Variants in FRMD3 observed in about 807,000 individuals in gnomAD.
The protein encoded by FRMD3 is FERM domain-containing protein 3.
FRMD3 carries 33 observed loss-of-function variants against 70.2 expected under a neutral mutation model. The ratio of observed to expected loss-of-function variants is 0.47; its 90% CI spans 0.36 to 0.63. The LOEUF (loss-of-function observed/expected upper bound fraction) is 0.63, where lower values mean the gene tolerates loss of function less well. Ranked by LOEUF, FRMD3 falls within the 20% of genes least tolerant of loss-of-function variation. The pLI is 0.00. For synonymous variants in FRMD3, 279 were observed against 255.9 expected, an observed-to-expected ratio of 1.09 and a Z score of -0.86; for missense variants, 632 against 711.4, an observed-to-expected ratio of 0.89 and a Z score of 1.27.
At chr9:83,302,189 C>T (rs966810368) in intron 10 of FRMD3, among the ~76,000 whole-genome samples, 5 of 152,040 alleles carry the variant, frequency 3.3e-5, no homozygotes, top group African/African-American at 9.7e-5. Context: ...CAAACCTGGC[C>T]GGGCATCAGA....
chr9:83,420,201 G>T (rs536554338), intron 1 of FRMD3, among the ~76,000 whole-genome samples: 1 of 152,148 alleles, frequency 6.6e-6, no homozygotes, highest in Non-Finnish European at 1.5e-5. Context: ...CAGGCAGATG[G>T]GAGAGCCTCA....
At chr9:83,405,521 G>A (rs147367782) in intron 1 of FRMD3, among the ~76,000 whole-genome samples, 1,814 of 152,088 alleles carry the variant, frequency 0.012, 51 homozygotes, top group African/African-American at 0.042. Context: ...CAGCACTTTG[G>A]GAGGCCGAGG....
intron 1 of FRMD3, among the ~76,000 whole-genome samples, chr9:83,500,637 C>T (rs371218066): frequency 6.6e-6 from 1 of 152,090 alleles, no homozygotes; most frequent in South Asian, 2.1e-4. Context: ...TTTATCTTCT[C>T]TTCATCTCTA....
At chr9:83,387,902 G>A (rs1825556726) in intron 2 of FRMD3, among the ~76,000 whole-genome samples, 1 of 152,148 alleles carries the variant, frequency 6.6e-6, no homozygotes, top group Non-Finnish European at 1.5e-5. Flanking sequence ...CTGGAATAGG[G>A]TTCACACTAC....
At chr9:83,487,233 T>C (rs1469921013) in intron 1 of FRMD3, among the ~76,000 whole-genome samples, 1 of 152,148 alleles carries the variant, frequency 6.6e-6, no homozygotes, top group African/African-American at 2.4e-5. Context: ...TAGCAATAGA[T>C]TATAAAAGGC....
At chr9:83,340,963 G>A (rs1345588185) in intron 5 of FRMD3, among the ~76,000 whole-genome samples, 2 of 152,158 alleles carry the variant, frequency 1.3e-5, no homozygotes, top group African/African-American at 4.8e-5. Flanking sequence ...AAGAGCATTA[G>A]CAAACAAGAC....
At chr9:83,447,559 G>A (rs1827517286) in intron 1 of FRMD3, among the ~76,000 whole-genome samples, 3 of 150,104 alleles carry the variant, frequency 2.0e-5, no homozygotes. Context: ...TCTGTCATGG[G>A]GGCAGTGAGG....
At chr9:83,491,200 A>G (rs1828816603) in intron 1 of FRMD3, among the ~76,000 whole-genome samples, 1 of 152,182 alleles carries the variant, frequency 6.6e-6, no homozygotes, top group Non-Finnish European at 1.5e-5. Flanking sequence ...CTCAACTACG[A>G]CATTTGAGTA....
the FRMD3 span, among the ~76,000 whole-genome samples, chr9:83,575,754 T>G: frequency 6.6e-6 from 1 of 152,220 alleles, no homozygotes; most frequent in Non-Finnish European, 1.5e-5. Context: ...ATTGAATTAC[T>G]AGCTTTTAAA....
chr9:83,558,260 A>G, the FRMD3 span, among the ~76,000 whole-genome samples: 2 of 94,686 alleles, frequency 2.1e-5, no homozygotes, highest in Non-Finnish European at 5.0e-5. Context: ...AAACGCATGC[A>G]CGTGTGTGTG....
intron 1 of FRMD3, among the ~76,000 whole-genome samples, chr9:83,434,850 A>G (rs1409735450): frequency 2.0e-5 from 2 of 102,132 alleles, no homozygotes; most frequent in African/African-American, 8.0e-5. Context: ...TTTTTGAGAC[A>G]GGGTCTGGCT....
rs866105465 is a variant in FRMD3 at position 83,323,416 on chromosome 9, T to A, written c.597-9669A>T. On this transcript the variant is annotated intron_variant, in intron 6 of 13. Coordinates refer to ENST00000304195, the MANE Select transcript of FRMD3 (RefSeq NM_174938.6). Reference sequence around the variant, plus strand: ...AAGAAGCCAAATGCTACAGTTCAAATATTTGTCCCCTCCAAAACTCATGTT... The same window carrying A: ...AAGAAGCCAAATGCTACAGTTCAAAAATTTGTCCCCTCCAAAACTCATGTT... 7.9e-4 allele frequency among the ~76,000 whole-genome samples: 121 copies of A among 152,308 alleles called. 1 individual carries two copies. Among genetic ancestry groups the A allele is most frequent in the African/African-American group, 2.8e-3 (117 of 41,564 alleles).
chr9:83,373,624 C>G (rs987651992), intron 2 of FRMD3, among the ~76,000 whole-genome samples: 2 of 128,366 alleles, frequency 1.6e-5, no homozygotes, highest in African/African-American at 5.7e-5. Flanking sequence ...CAGTGGCTGG[C>G]CCTCTCTACA....
intron 1 of FRMD3, among the ~76,000 whole-genome samples, chr9:83,517,912 A>C (rs1231194801): frequency 6.6e-6 from 1 of 152,244 alleles, no homozygotes; most frequent in Non-Finnish European, 1.5e-5. Flanking sequence ...ATAGATGCAG[A>C]AAAGGTCTTT....
chr9:83,426,767 T>C (rs1318412439), intron 1 of FRMD3, among the ~76,000 whole-genome samples: 3 of 152,002 alleles, frequency 2.0e-5, no homozygotes, highest in African/African-American at 4.8e-5. Context: ...CAGAGAAGCT[T>C]TGAAGGGGTG....
At position 83,248,408 on chromosome 9, in the gene FRMD3, A is replaced by G; in HGVS notation, c.1304T>C (p.Ile435Thr). ...EDPPSEEEDK[I>T]KEEPLTISEL... Reference sequence around the variant, plus strand: ...AGAGATGGTTAAAGGTTCTTCTTTTATTTTATCTTCCTCTTCACTAGGGGG... The same window carrying G: ...AGAGATGGTTAAAGGTTCTTCTTTTGTTTTATCTTCCTCTTCACTAGGGGG... The change falls in exon 14 of 14, where the codon ATA becomes ACA. Residue 435 changes from isoleucine to threonine, a missense_variant. Around this residue, in one of 3 missense-constraint regions of FRMD3, gnomAD observed 418 missense variants for 442.1 expected, o/e 0.95. Transcript: ENST00000304195. 3 of 1,614,096 alleles carry G rather than the reference A, an allele frequency of 1.9e-6. No homozygotes were observed. In the South Asian group the frequency reaches 3.3e-5, roughly 18 times the overall value.
intron 1 of FRMD3, among the ~76,000 whole-genome samples, chr9:83,458,622 G>A (rs572504662): frequency 4.6e-5 from 7 of 152,284 alleles, no homozygotes; most frequent in East Asian, 1.9e-4. Flanking sequence ...TGTGACAGGC[G>A]GACTGGTCCT....
chr9:83,313,622 C>T, intron 7 of FRMD3, 38 bp downstream of exon 7: 1 of 1,516,266 alleles, frequency 6.6e-7, no homozygotes, highest in Non-Finnish European at 9.2e-7. Context: ...TTGGGCAAAA[C>T]AACCATTATA....
At chr9:83,560,986 T>C in the FRMD3 span, among the ~76,000 whole-genome samples, 10 of 152,224 alleles carry the variant, frequency 6.6e-5, no homozygotes, top group African/African-American at 1.9e-4. Context: ...CCACTATATT[T>C]TGAATGTCTC....
Sources: allele counts gnomAD v4.1 joint callset (sites outside exome capture counted in the v4.1 genomes callset), GRCh38; gene constraint gnomAD v4.1.1; regional missense constraint gnomAD v4.1.1; transcripts MANE v1.5; gene names NCBI Gene and HGNC (gene_info 2026-07-23, HGNC 2026-07-21).